EYA1: variants seen among roughly 807,000 people sequenced by gnomAD.
EYA1 encodes the protein protein phosphatase EYA1.
A neutral mutation model predicts 82.0 loss-of-function variants in EYA1; 16 were observed. The observed-to-expected ratio is 0.20, with a 90% CI of 0.13 to 0.30. EYA1 has a LOEUF of 0.30. EYA1 is among the 10% of genes least tolerant of loss of function. EYA1 has a pLI of 1.00. For synonymous variants in EYA1, 261 were observed against 264.4 expected, an observed-to-expected ratio of 0.99 and a Z score of 0.12; for missense variants, 633 against 730.7, an observed-to-expected ratio of 0.87 and a Z score of 1.54.
At chr8:71,273,365 A>G (rs1816775759) in intron 9 of EYA1, among the ~76,000 whole-genome samples, 1 of 152,218 alleles carries the variant, frequency 6.6e-6, no homozygotes, top group African/African-American at 2.4e-5. Context: ...AAGCTGACTC[A>G]TCTCACAGAA....
At chr8:71,464,031 C>G (rs530193330) in intron 2 of EYA1, among the ~76,000 whole-genome samples, 1 of 152,150 alleles carries the variant, frequency 6.6e-6, no homozygotes, top group African/African-American at 2.4e-5. Flanking sequence ...ATTATAATAA[C>G]AGAACCCACT....
chr8:71,538,621 C>G (rs1228481693), intron 1 of EYA1, among the ~76,000 whole-genome samples: 1 of 152,174 alleles, frequency 6.6e-6, no homozygotes, highest in African/African-American at 2.4e-5. Context: ...CAACTAGTCA[C>G]AAAACTGTAC....
intron 2 of EYA1, among the ~76,000 whole-genome samples, chr8:71,446,677 A>G (rs550312279): frequency 6.6e-6 from 1 of 152,330 alleles, no homozygotes; most frequent in Admixed American, 6.5e-5. Flanking sequence ...GTTAAAAATC[A>G]TCTTTTGAAT....
At chr8:71,422,486 G>T (rs1369300440) in intron 2 of EYA1, among the ~76,000 whole-genome samples, 1 of 152,122 alleles carries the variant, frequency 6.6e-6, no homozygotes, top group Admixed American at 6.5e-5. Context: ...CATAATTAGG[G>T]TATTGTCTCT....
chr8:71,392,636 T>G (rs1045552445), intron 2 of EYA1, among the ~76,000 whole-genome samples: 2 of 152,186 alleles, frequency 1.3e-5, no homozygotes, highest in African/African-American at 4.8e-5. Flanking sequence ...TGATAAATAA[T>G]CATTCTCACC....
intron 2 of EYA1, among the ~76,000 whole-genome samples, chr8:71,371,902 C>A (rs563466214): frequency 1.9e-4 from 29 of 151,938 alleles, no homozygotes; most frequent in African/African-American, 6.8e-4. Flanking sequence ...CTGTTGAAAT[C>A]TCCAAGAGAA....
chr8:71,466,978 T>C (rs1808818307), intron 2 of EYA1, among the ~76,000 whole-genome samples: 1 of 152,120 alleles, frequency 6.6e-6, no homozygotes, highest in Non-Finnish European at 1.5e-5. Flanking sequence ...TACCTTATAA[T>C]ATTTATTTCC....
intron 7 of EYA1, among the ~76,000 whole-genome samples, chr8:71,301,986 A>C (rs776703062): frequency 6.6e-5 from 10 of 152,088 alleles, no homozygotes; most frequent in Non-Finnish European, 1.0e-4. Flanking sequence ...ACAATTTATT[A>C]TTGATATTAT....
intron 8 of EYA1, 145 bp from the exon 9 acceptor site, chr8:71,299,378 G>A: frequency 1.2e-6 from 1 of 841,974 alleles, no homozygotes; most frequent in East Asian, 2.6e-5. Flanking sequence ...TAACTAAAGA[G>A]CTCAGACTTG....
intron 2 of EYA1, among the ~76,000 whole-genome samples, chr8:71,518,109 T>C (rs987973242): frequency 1.2e-4 from 19 of 152,130 alleles, no homozygotes; most frequent in African/African-American, 4.6e-4. Flanking sequence ...TTTCTTCCCA[T>C]GGCTCAATGC....
chr8:71,388,989 C>T (rs905458095), intron 2 of EYA1, among the ~76,000 whole-genome samples: 6 of 151,786 alleles, frequency 4.0e-5, no homozygotes, highest in African/African-American at 9.7e-5. Context: ...TCTTCTGGGC[C>T]CCTCTCACCC....
chr8:71,365,494 A>G (rs967918789), upstream of EYA1, among the ~76,000 whole-genome samples: 3 of 152,066 alleles, frequency 2.0e-5, no homozygotes, highest in African/African-American at 7.2e-5. Context: ...GCGAAATCCC[A>G]CTCATTATTT....
intron 2 of EYA1, among the ~76,000 whole-genome samples, chr8:71,480,612 A>G (rs1330557673): frequency 2.0e-5 from 3 of 152,174 alleles, no homozygotes; most frequent in Non-Finnish European, 4.4e-5. Context: ...AAATCCCATG[A>G]ATTCCTTTCC....
chr8:71,463,613 CTCTCTCTCTCTCT>C (rs1808548989), intron 2 of EYA1, among the ~76,000 whole-genome samples: 4 of 136,248 alleles, frequency 2.9e-5, no homozygotes, highest in African/African-American at 9.1e-5. Context: ...CTCTCTCTCT[CTCTCTCTCTCTCT>C]CTCTCTCCCT....
chr8:71,515,596 A>T (rs1284688593), intron 2 of EYA1, among the ~76,000 whole-genome samples: 1 of 152,164 alleles, frequency 6.6e-6, no homozygotes, highest in Non-Finnish European at 1.5e-5. Context: ...AAATGATGGG[A>T]AACATAGAAA....
intron 12 of EYA1, among the ~76,000 whole-genome samples, chr8:71,231,955 C>T (rs557663366): frequency 6.6e-6 from 1 of 152,376 alleles, no homozygotes; most frequent in African/African-American, 2.4e-5. Context: ...GGCCCCGCTC[C>T]ATAGCATCCT....
At chr8:71,541,207 C>T (rs1815111755) in intron 1 of EYA1, among the ~76,000 whole-genome samples, 1 of 152,328 alleles carries the variant, frequency 6.6e-6, no homozygotes, top group South Asian at 2.1e-4. Flanking sequence ...TATATCCCAA[C>T]CACTGAAGAT....
chr8:71,327,296 T>C (rs1027683667), intron 4 of EYA1, among the ~76,000 whole-genome samples: 2 of 152,238 alleles, frequency 1.3e-5, no homozygotes, highest in African/African-American at 4.8e-5. Flanking sequence ...ATACCTTTTA[T>C]GAACAATTAA....
chr8:71,336,552 C>T (rs1161547103), intron 3 of EYA1, among the ~76,000 whole-genome samples: 1 of 152,204 alleles, frequency 6.6e-6, no homozygotes, highest in Non-Finnish European at 1.5e-5. Context: ...CTAAAATTGA[C>T]ACCAGCTATT....
Sources: allele counts gnomAD v4.1 joint callset (sites outside exome capture counted in the v4.1 genomes callset), GRCh38; gene constraint gnomAD v4.1.1; transcripts MANE v1.5; gene names NCBI Gene and HGNC (gene_info 2026-07-23, HGNC 2026-07-21).